MAST4: variants seen among roughly 807,000 people sequenced by gnomAD.
The protein encoded by MAST4 is microtubule associated serine/threonine kinase family member 4, also known as microtubule-associated serine/threonine-protein kinase 4.
In MAST4, 89 loss-of-function variants were observed where a neutral mutation model predicts 162.7. The observed-to-expected ratio is 0.55, with a 90% CI of 0.46 to 0.65. MAST4 has a LOEUF of 0.65. Among genes scored for constraint, MAST4 ranks in the 30% least tolerant of loss-of-function variants. The probability of loss-of-function intolerance (pLI) is 0.00; values close to 1 mark genes in which losing one functional copy is unlikely to be tolerated. For synonymous variants in MAST4, 1,479 were observed against 1,361.1 expected (o/e 1.09, Z -1.91); for missense variants, 3,153 against 3,374.0 (o/e 0.93, Z 1.62).
At chr5:67,057,760 A>G in intron 5 of MAST4, among the ~76,000 whole-genome samples, 1 of 152,080 alleles carries the variant, frequency 6.6e-6, no homozygotes, top group Non-Finnish European at 1.5e-5. Context: ...AACAAACTCA[A>G]AAGAAATCAA....
chr5:66,886,731 A>G (rs1031570749), intron 3 of MAST4, among the ~76,000 whole-genome samples: 6 of 150,590 alleles, frequency 4.0e-5, no homozygotes, highest in African/African-American at 1.5e-4. Context: ...TTAGTGTAAT[A>G]GAAACTAAAG....
chr5:67,024,150 T>C (rs1386897403), intron 4 of MAST4, among the ~76,000 whole-genome samples: 1 of 151,192 alleles, frequency 6.6e-6, no homozygotes, highest in Admixed American at 6.6e-5. Context: ...AGTGGACTTA[T>C]GTAGTAGTTG....
At chr5:66,929,636 C>G (rs1167034986) in intron 4 of MAST4, among the ~76,000 whole-genome samples, 2 of 152,196 alleles carry the variant, frequency 1.3e-5, no homozygotes, top group Non-Finnish European at 2.9e-5. Flanking sequence ...CTCCCTCTCT[C>G]ACAGCTAGAT....
intron 1 of MAST4, among the ~76,000 whole-genome samples, chr5:66,665,702 T>C (rs1231383952): frequency 6.6e-6 from 1 of 152,164 alleles, no homozygotes; most frequent in East Asian, 1.9e-4. Flanking sequence ...TAGCTGAGAT[T>C]TGAATCACAT....
chr5:66,803,441 A>C (rs768121203), intron 3 of MAST4, among the ~76,000 whole-genome samples: 1 of 152,326 alleles, frequency 6.6e-6, no homozygotes, highest in African/African-American at 2.4e-5. Flanking sequence ...TTAAAATTAC[A>C]TTAAATGTGT....
intron 4 of MAST4, among the ~76,000 whole-genome samples, chr5:66,936,320 C>G (rs1471712754): frequency 2.6e-5 from 4 of 152,208 alleles, no homozygotes; most frequent in Admixed American, 2.6e-4. Flanking sequence ...ACTCTCTTCA[C>G]CTGTACAATG....
chr5:66,624,276 C>T (rs1014596151), intron 1 of MAST4, among the ~76,000 whole-genome samples: 3 of 150,804 alleles, frequency 2.0e-5, no homozygotes, highest in African/African-American at 4.9e-5. Context: ...CCTCAGCCTC[C>T]CCAGCAGCTG....
At chr5:66,838,686 A>T (rs1039477457) in intron 3 of MAST4, among the ~76,000 whole-genome samples, 3 of 152,164 alleles carry the variant, frequency 2.0e-5, no homozygotes, top group Non-Finnish European at 4.4e-5. Flanking sequence ...TTTCTGCCGG[A>T]TGGTGAAGGA....
chr5:66,713,850 T>C (rs1201936478), intron 1 of MAST4, among the ~76,000 whole-genome samples: 1 of 152,200 alleles, frequency 6.6e-6, no homozygotes, highest in Non-Finnish European at 1.5e-5. Flanking sequence ...CTGGACCAGA[T>C]GGCGTCTTAT....
chr5:66,929,543 G>A (rs567357494), intron 4 of MAST4, among the ~76,000 whole-genome samples: 47 of 152,200 alleles, frequency 3.1e-4, no homozygotes, highest in African/African-American at 1.1e-3. Flanking sequence ...CCATCACACT[G>A]TACTTCCCCT....
chr5:66,779,035 C>T (rs983818021), intron 2 of MAST4, among the ~76,000 whole-genome samples: 3 of 152,198 alleles, frequency 2.0e-5, no homozygotes, highest in African/African-American at 7.2e-5. Context: ...CAGCAGTGCT[C>T]TGACTTGCTC....
At chr5:66,883,532 G>T (rs1364899421) in intron 3 of MAST4, among the ~76,000 whole-genome samples, 3 of 148,280 alleles carry the variant, frequency 2.0e-5, no homozygotes, top group African/African-American at 7.5e-5. Context: ...GGGTTCAAGT[G>T]ATTCTCCTGC....
intron 6 of MAST4, among the ~76,000 whole-genome samples, chr5:67,090,714 C>A (rs958894792): frequency 6.6e-6 from 1 of 151,628 alleles, no homozygotes; most frequent in Non-Finnish European, 1.5e-5. Flanking sequence ...ATAGATGTCT[C>A]ATAACGGGAC....
rs148873965 is a variant in MAST4 at position 67,054,210 on chromosome 5, T to A, written c.675-194T>A. On this transcript the variant is annotated intron_variant, in intron 4 of 28. Coordinates refer to ENST00000403625, the MANE Select transcript of MAST4 (RefSeq NM_001164664.2). ...GAGGAATATTGATGGTGTTGTGCTA[T>A]ATGAATACATTATATTTTCTAATAT... is the stretch of plus-strand genomic sequence containing the variant. Among the ~76,000 whole-genome samples the A allele has an allele frequency of 1.2e-3, 182 of 152,314 alleles. 1 individual carries two copies. Among genetic ancestry groups the A allele is most frequent in the Middle Eastern group, 3.4e-3 (1 of 294 alleles).
At chr5:67,053,750 A>G (rs1581362966) in intron 4 of MAST4, among the ~76,000 whole-genome samples, 2 of 152,192 alleles carry the variant, frequency 1.3e-5, no homozygotes, top group East Asian at 1.9e-4. Context: ...ATTTATTTCT[A>G]TGCTCTGGGT....
In MAST4 at chr5:67,166,054, G is replaced by A. The variant is rs1486960614; in HGVS notation, c.6875G>A (p.Gly2292Glu). 1.2e-6 allele frequency: 2 copies of A among 1,613,784 alleles called. No individual in the cohort carries two copies. Among genetic ancestry groups the A allele is most frequent in the South Asian group, 2.2e-5 (2 of 91,058 alleles). The change falls in exon 29 of 29, where the codon GGG becomes GAG. Residue 2292 changes from glycine (G) to glutamate (E), a missense_variant. Physicochemically the swap from Gly to Glu is moderately conservative, Grantham distance 98. Coordinates refer to ENST00000403625, the MANE Select transcript of MAST4 (RefSeq NM_001164664.2). ...GCCAAGCCACAACCCACCAGTGGTG[G>A]GCGGCCCCTGGAGGTGCTGGAGAAG... Reference protein sequence around the residue: ...LDAKPQPTSGGRPLEVLEKPV... With the variant: ...LDAKPQPTSGERPLEVLEKPV...
At chr5:67,088,605 G>T (rs750566895) in intron 5 of MAST4, among the ~76,000 whole-genome samples, 3 of 152,174 alleles carry the variant, frequency 2.0e-5, no homozygotes, top group Admixed American at 6.5e-5. Flanking sequence ...GAAGTTGAAA[G>T]AACTTAATTT....
intron 1 of MAST4, among the ~76,000 whole-genome samples, chr5:66,677,583 G>A (rs546468255): frequency 6.6e-6 from 1 of 152,328 alleles, no homozygotes; most frequent in Admixed American, 6.5e-5. Context: ...CTGCATCTCT[G>A]AGACTAGTAA....
intron 3 of MAST4, among the ~76,000 whole-genome samples, chr5:66,796,830 G>A (rs1755675256): frequency 6.6e-6 from 1 of 152,150 alleles, no homozygotes; most frequent in Non-Finnish European, 1.5e-5. Flanking sequence ...CCTGCACCTA[G>A]CTGTCCTATT....
Sources: gnomAD v4.1 joint callset for allele counts (sites outside exome capture counted in the v4.1 genomes callset) on GRCh38, gnomAD v4.1.1 for gene constraint, MANE v1.5 for transcripts, NCBI Gene and HGNC (gene_info 2026-07-23, HGNC 2026-07-21) for gene names.